The following CNTN5 variants were observed in gnomAD, a reference collection of about 807,000 sequenced individuals.
CNTN5 encodes contactin 5.
CNTN5 carries 77 observed loss-of-function variants against 129.1 expected under a neutral mutation model. That is an observed-to-expected ratio of 0.60 (90% CI 0.50 to 0.72). The LOEUF is 0.72. Among genes scored for constraint, CNTN5 ranks in the 30% least tolerant of loss-of-function variants. CNTN5 has a pLI of 0.00. For synonymous variants in CNTN5, 509 were observed against 465.6 expected (o/e 1.09, Z -1.20); for missense variants, 1,478 against 1,328.8 (o/e 1.11, Z -1.75).
chr11:99,339,407 A>G (rs1389551898), intron 2 of CNTN5, among the ~76,000 whole-genome samples: 1 of 152,016 alleles, frequency 6.6e-6, no homozygotes, highest in Non-Finnish European at 1.5e-5. Flanking sequence ...TGCTAAGCCA[A>G]TGTTTGCTCT....
intron 8 of CNTN5, among the ~76,000 whole-genome samples, chr11:100,001,327 A>C (rs1939862466): frequency 6.6e-6 from 1 of 152,174 alleles, no homozygotes; most frequent in Admixed American, 6.5e-5. Flanking sequence ...TCACGAGAAC[A>C]GCATGGGGGA....
At chr11:99,248,309 G>C (rs1841251359) in intron 1 of CNTN5, among the ~76,000 whole-genome samples, 1 of 152,036 alleles carries the variant, frequency 6.6e-6, no homozygotes, top group African/African-American at 2.4e-5. Flanking sequence ...TGATGGGGTT[G>C]TTTGTTTTTT....
chr11:99,533,448 G>A (rs1565268606), intron 2 of CNTN5, among the ~76,000 whole-genome samples: 1 of 152,194 alleles, frequency 6.6e-6, no homozygotes, highest in African/African-American at 2.4e-5. Flanking sequence ...ATACCACTCA[G>A]TCTCTTGTAA....
intron 1 of CNTN5, among the ~76,000 whole-genome samples, chr11:99,116,909 A>G (rs1404222404): frequency 6.6e-6 from 1 of 152,222 alleles, no homozygotes; most frequent in Non-Finnish European, 1.5e-5. Flanking sequence ...GGAATGCAGT[A>G]CTGGTATTTG....
chr11:100,022,804 G>A (rs2137571761), intron 9 of CNTN5, among the ~76,000 whole-genome samples: 1 of 152,230 alleles, frequency 6.6e-6, no homozygotes, highest in South Asian at 2.1e-4. Context: ...AAGAATTACA[G>A]ACCAATATCT....
intron 3 of CNTN5, among the ~76,000 whole-genome samples, chr11:99,733,855 A>G (rs1943614309): frequency 1.3e-5 from 2 of 152,158 alleles, no homozygotes; most frequent in Admixed American, 6.5e-5. Context: ...AGCTCCAGAG[A>G]CCAGCCTACT....
intron 3 of CNTN5, among the ~76,000 whole-genome samples, chr11:99,781,299 G>A (rs900173109): frequency 1.3e-5 from 2 of 151,994 alleles, no homozygotes; most frequent in Admixed American, 6.6e-5. Flanking sequence ...ACTCAACAGT[G>A]GAGTAACAGA....
chr11:99,961,972 A>G (rs577781378), intron 8 of CNTN5, among the ~76,000 whole-genome samples: 11 of 146,484 alleles, frequency 7.5e-5, no homozygotes, highest in Admixed American at 2.7e-4. Context: ...AGAGAGACAT[A>G]TAGATAGATA....
intron 3 of CNTN5, among the ~76,000 whole-genome samples, chr11:99,684,068 G>A (rs1028206643): frequency 6.6e-5 from 10 of 151,600 alleles, no homozygotes; most frequent in African/African-American, 2.4e-4. Flanking sequence ...GTGAAATTTT[G>A]TTTCCTCTAC....
chr11:99,719,103 G>T (rs2135013972), intron 3 of CNTN5, among the ~76,000 whole-genome samples: 1 of 152,154 alleles, frequency 6.6e-6, no homozygotes, highest in African/African-American at 2.4e-5. Flanking sequence ...TGGATCACTT[G>T]AGGCCAGGAG....
rs568528260 is a variant in CNTN5 at position 99,491,544 on chromosome 11, G to A, written c.-70-64601G>A. ...TGGATACTGACAGTTAAGGTAGGAG[G>A]GACCAATCCTGTTTCTACCCATTGT... On this transcript the variant is annotated intron_variant, in intron 2 of 24. Coordinates refer to ENST00000524871, the MANE Select transcript of CNTN5 (RefSeq NM_014361.4). Among the ~76,000 whole-genome samples, 4 of 152,110 alleles carry A rather than the reference G, an allele frequency of 2.6e-5. No individual in the cohort carries two copies. In the South Asian group the frequency reaches 8.3e-4, roughly 32 times the overall value.
chr11:99,108,739 A>G lies in CNTN5; in HGVS notation c.-210+87469A>G, dbSNP rs1857639613. ...TCTCTTTAATTTTTTAACATTGACA[A>G]CTTTTATATAGAAAAGGAAAAAATC... On this transcript the variant is annotated intron_variant, in intron 1 of 24. Coordinates refer to ENST00000524871, the MANE Select transcript of CNTN5 (RefSeq NM_014361.4). Among the ~76,000 whole-genome samples the G allele has an allele frequency of 2.0e-5, 3 of 152,032 alleles. No individual in the cohort carries two copies. The South Asian group carries it at 6.2e-4, about 32-fold the overall frequency.
intron 15 of CNTN5, among the ~76,000 whole-genome samples, chr11:100,212,317 A>G (rs1203595489): frequency 6.6e-6 from 1 of 152,122 alleles, no homozygotes; most frequent in Non-Finnish European, 1.5e-5. Flanking sequence ...CCATTTCCCT[A>G]TTAAATACCA....
At chr11:99,452,037 TAAA>T (rs1158587854) in intron 2 of CNTN5, among the ~76,000 whole-genome samples, 1 of 152,166 alleles carries the variant, frequency 6.6e-6, no homozygotes, top group African/African-American at 2.4e-5. Flanking sequence ...TATAATTTTA[TAAA>T]ATTAAATATC....
At chr11:99,957,758 CA>C (rs537668270) in intron 8 of CNTN5, among the ~76,000 whole-genome samples, 241 of 152,164 alleles carry the variant, frequency 1.6e-3, no homozygotes, top group African/African-American at 5.2e-3. Context: ...GCTGTTTTTT[CA>C]TATGCTTGGT....
chr11:99,033,768 C>T (rs1460570158), intron 1 of CNTN5, among the ~76,000 whole-genome samples: 2 of 152,124 alleles, frequency 1.3e-5, no homozygotes, highest in South Asian at 2.1e-4. Context: ...ATTTCCTTCA[C>T]CTGCCTAATT....
chr11:100,172,796 A>T (rs1947862560), intron 13 of CNTN5, among the ~76,000 whole-genome samples: 1 of 152,072 alleles, frequency 6.6e-6, no homozygotes, highest in African/African-American at 2.4e-5. Flanking sequence ...AGGCAGAAAG[A>T]GGTTATGATT....
intron 23 of CNTN5, among the ~76,000 whole-genome samples, chr11:100,343,682 C>T (rs1156425213): frequency 6.6e-6 from 1 of 152,094 alleles, no homozygotes; most frequent in African/African-American, 2.4e-5. Context: ...ACGTTGAAGA[C>T]AGCTACTGCA....
At chr11:99,293,479 G>A (rs1005137078) in intron 1 of CNTN5, among the ~76,000 whole-genome samples, 3 of 152,132 alleles carry the variant, frequency 2.0e-5, no homozygotes, top group African/African-American at 7.2e-5. Flanking sequence ...TATTGGAACA[G>A]TTTGAGTATA....
Sources: allele counts gnomAD v4.1 joint callset (sites outside exome capture counted in the v4.1 genomes callset), GRCh38; gene constraint gnomAD v4.1.1; transcripts MANE v1.5; gene names NCBI Gene and HGNC (gene_info 2026-07-23, HGNC 2026-07-21).